The following LRRC8B variants were observed in gnomAD, a reference collection of about 807,000 sequenced individuals.
LRRC8B encodes the protein leucine rich repeat containing 8 VRAC subunit B.
A neutral mutation model predicts 58.8 loss-of-function variants in LRRC8B; 23 were observed. The ratio of observed to expected loss-of-function variants is 0.39; its 90% CI spans 0.28 to 0.55. LRRC8B has a LOEUF of 0.55. Among genes scored for constraint, LRRC8B ranks in the 20% least tolerant of loss-of-function variants. LRRC8B has a pLI of 0.62. For synonymous variants in LRRC8B, 359 were observed against 374.1 expected (o/e 0.96, Z 0.47); for missense variants, 694 against 936.0 (o/e 0.74, Z 3.37).
At chr1:89,540,115 C>G (rs1249837774) in intron 1 of LRRC8B, among the ~76,000 whole-genome samples, 1 of 152,102 alleles carries the variant, frequency 6.6e-6, no homozygotes, top group East Asian at 1.9e-4. Context: ...ATAAAGTGTT[C>G]CAGCTACTCA....
At chr1:89,567,999 A>G (rs1653168007) in intron 1 of LRRC8B, among the ~76,000 whole-genome samples, 1 of 152,188 alleles carries the variant, frequency 6.6e-6, no homozygotes, top group Admixed American at 6.5e-5. Flanking sequence ...CGAGTAGGTC[A>G]GCAAAAATTA....
intron 1 of LRRC8B, among the ~76,000 whole-genome samples, chr1:89,539,575 G>A (rs1404690326): frequency 6.6e-6 from 1 of 152,104 alleles, no homozygotes; most frequent in Non-Finnish European, 1.5e-5. Flanking sequence ...AAGACTAATG[G>A]GAGTCTGCAT....
chr1:89,582,906 C>A lies in LRRC8B; in HGVS notation c.256C>A (p.Pro86Thr). ...SMNTSSNPGTPLPLPLRIQND... is the reference protein window; with the variant it reads ...SMNTSSNPGTTLPLPLRIQND... The stretch of plus-strand genomic sequence containing the variant: ...GAACACATCCTCTAATCCTGGGACA[C>A]CGCTTCCGCTCCCCCTCCGAATTCA... Residue 86 changes from proline to threonine, a missense_variant, in exon 5 of 6, where the codon CCG (proline) becomes ACG (threonine). Physicochemically the swap from Pro to Thr is conservative, Grantham distance 38. Around this residue, in one of 5 missense-constraint regions of LRRC8B, gnomAD observed 316 missense variants for 403.8 expected, o/e 0.78. Coordinates refer to ENST00000330947, the MANE Select transcript of LRRC8B (RefSeq NM_001369817.2). 6.2e-7 allele frequency: 1 copy of A among 1,614,200 alleles called. No homozygotes were observed. The highest frequency in any genetic ancestry group is 8.5e-7 in the Non-Finnish European group (1 of 1,180,042).
intron 1 of LRRC8B, among the ~76,000 whole-genome samples, chr1:89,560,688 C>T (rs1652575247): frequency 6.7e-6 from 1 of 149,468 alleles, no homozygotes; most frequent in South Asian, 2.2e-4. Context: ...TTTCCAATTT[C>T]ATCCATGTCC....
chr1:89,543,632 A>C (rs1651186568), intron 1 of LRRC8B, among the ~76,000 whole-genome samples: 1 of 151,844 alleles, frequency 6.6e-6, no homozygotes, highest in East Asian at 1.9e-4. Context: ...AGTAGCTGGG[A>C]GTACAGGCAC....
intron 3 of LRRC8B, among the ~76,000 whole-genome samples, chr1:89,570,149 C>G (rs941177621): frequency 6.6e-6 from 1 of 152,124 alleles, no homozygotes; most frequent in Non-Finnish European, 1.5e-5. Flanking sequence ...GATTCCATGT[C>G]TTTGCTATTG....
At chr1:89,528,622 G>A (rs544657499) in intron 1 of LRRC8B, among the ~76,000 whole-genome samples, 1 of 152,306 alleles carries the variant, frequency 6.6e-6, no homozygotes, top group South Asian at 2.1e-4. Context: ...TCAAAATGAT[G>A]CTTGTTTCTC....
chr1:89,551,188 C>G (rs1651782188), intron 1 of LRRC8B, among the ~76,000 whole-genome samples: 1 of 152,120 alleles, frequency 6.6e-6, no homozygotes. Flanking sequence ...CCTAACGGCT[C>G]AGAGATACCT....
At chr1:89,551,141 G>A (rs1651778263) in intron 1 of LRRC8B, among the ~76,000 whole-genome samples, 2 of 151,870 alleles carry the variant, frequency 1.3e-5, no homozygotes, top group African/African-American at 2.4e-5. Context: ...CCACTACCCC[G>A]CTGGAGATTT....
intron 1 of LRRC8B, among the ~76,000 whole-genome samples, chr1:89,547,313 A>G (rs6669019): frequency 0.017 from 2,610 of 151,802 alleles, 84 homozygotes; most frequent in African/African-American, 0.059. Flanking sequence ...TTATGGTTAT[A>G]TCTTAAAGAC....
At chr1:89,530,217 G>A (rs1650013134) in intron 1 of LRRC8B, among the ~76,000 whole-genome samples, 2 of 151,692 alleles carry the variant, frequency 1.3e-5, no homozygotes, top group South Asian at 4.2e-4. Flanking sequence ...AAATTAGCCG[G>A]GCATAGTGGT....
At chr1:89,537,698 C>G (rs1650636453) in intron 1 of LRRC8B, among the ~76,000 whole-genome samples, 1 of 152,268 alleles carries the variant, frequency 6.6e-6, no homozygotes. Flanking sequence ...GTCTCGAACT[C>G]CTGACCTTAA....
At chr1:89,532,120 G>A (rs901123341) in intron 1 of LRRC8B, among the ~76,000 whole-genome samples, 2 of 152,116 alleles carry the variant, frequency 1.3e-5, no homozygotes, top group Admixed American at 1.3e-4. Context: ...TTCTTCTCAA[G>A]AGTCAGCTCA....
At chr1:89,591,731 G>A (rs541987718) in intron 5 of LRRC8B, among the ~76,000 whole-genome samples, 13 of 152,224 alleles carry the variant, frequency 8.5e-5, no homozygotes, top group East Asian at 1.9e-4. Context: ...TCTCCCAGCC[G>A]GTCTGCATTA....
Position 89,584,304 on chromosome 1 carries a change from A to G in LRRC8B, c.1654A>G (p.Ile552Val). The change falls in exon 5 of 6, where the codon ATC (isoleucine) becomes GTC (valine). Residue 552 changes from isoleucine (I) to valine (V), a missense_variant. Physicochemically the swap from Ile to Val is conservative, Grantham distance 29. This residue lies in a region of LRRC8B where 162 missense variants were observed against 198.5 expected (regional missense o/e 0.82). Transcript: ENST00000330947. ...GTACTTGAAGAGCAGCCTCTCCCGG[A>G]TCCCACAAGTTGTTACAGACCTCCT... is the stretch of plus-strand genomic sequence containing the variant. ...TLYLKSSLSR[I>V]PQVVTDLLPS... is the part of the protein sequence containing the mutation. The G allele has an allele frequency of 2.5e-6, 4 of 1,614,118 alleles. No homozygotes were observed. The highest frequency in any genetic ancestry group is 3.4e-6 in the Non-Finnish European group (4 of 1,180,026).
In LRRC8B at chr1:89,584,750, T is replaced by C; in HGVS notation, c.2100T>C (p.Tyr700=). Residue 700 remains tyrosine, a synonymous_variant, in exon 5 of 6, where the codon TAT becomes TAC. Coordinates refer to ENST00000330947, the MANE Select transcript of LRRC8B (RefSeq NM_001369817.2). ...HLTFIPEEIQ[Y]LSNLQYFAVT... is the part of the protein sequence containing the mutation. ...CCTTCATTCCAGAAGAAATCCAGTA[T>C]CTGAGTAATTTGCAGTACTTTGCTG... 6.2e-7 allele frequency: 1 copy of C among 1,611,108 alleles called. No homozygotes were observed. Among genetic ancestry groups the C allele is most frequent in the East Asian group, 2.2e-5 (1 of 44,858 alleles).
Position 89,584,203 on chromosome 1 carries a change from C to T in LRRC8B, c.1553C>T (p.Ser518Leu), listed in dbSNP as rs377575047. 11 of 1,611,200 alleles carry T rather than the reference C, an allele frequency of 6.8e-6. No homozygotes were observed. The highest frequency in any genetic ancestry group is 2.2e-5 in the South Asian group (2 of 91,086). ...HLKNLKELYL[S>L]GCVLPEQLST... ...AAGAATCTCAAGGAACTTTATCTTTCGGGCTGTGTTCTCCCTGAACAGTTG... is the reference window on the plus strand; with the variant it reads ...AAGAATCTCAAGGAACTTTATCTTTTGGGCTGTGTTCTCCCTGAACAGTTG... The change falls in exon 5 of 6, where the codon TCG becomes TTG. Residue 518 changes from serine to leucine, a missense_variant. Ser to Leu is a moderately radical substitution (Grantham distance 145). This residue lies in a region of LRRC8B where 162 missense variants were observed against 198.5 expected (regional missense o/e 0.82). Transcript: ENST00000330947.
intron 1 of LRRC8B, among the ~76,000 whole-genome samples, chr1:89,555,676 T>C (rs1652134096): frequency 6.6e-6 from 1 of 152,192 alleles, no homozygotes; most frequent in Admixed American, 6.5e-5. Flanking sequence ...CAAGGAGGTG[T>C]CCCTTAGGAA....
At chr1:89,557,023 A>G (rs1388317951) in intron 1 of LRRC8B, among the ~76,000 whole-genome samples, 3 of 152,224 alleles carry the variant, frequency 2.0e-5, no homozygotes, top group Non-Finnish European at 4.4e-5. Context: ...GATTGTGCGC[A>G]TTCTGTTTTT....
Sources: gnomAD v4.1 joint callset for allele counts (sites outside exome capture counted in the v4.1 genomes callset) on GRCh38, gnomAD v4.1.1 for gene constraint, gnomAD v4.1.1 regional missense constraint, MANE v1.5 for transcripts, NCBI Gene and HGNC (gene_info 2026-07-23, HGNC 2026-07-21) for gene names.